MYO18A: variants seen among roughly 807,000 people sequenced by gnomAD.
The protein encoded by MYO18A is unconventional myosin-XVIIIa.
A neutral mutation model predicts 235.8 loss-of-function variants in MYO18A; 78 were observed. The observed-to-expected ratio is 0.33, with a 90% CI of 0.28 to 0.40. MYO18A has a LOEUF of 0.40. Ranked by LOEUF, MYO18A falls within the 10% of genes least tolerant of loss-of-function variation. MYO18A has a pLI of 1.00. For missense variants in MYO18A, 2,215 were observed against 2,699.3 expected (o/e 0.82, Z 3.98); for synonymous variants, 977 against 1,077.8 (o/e 0.91, Z 1.83).
chr17:29,098,028 T>C, intron 25 of MYO18A, 77 bp downstream of exon 25: 1 of 1,587,920 alleles, frequency 6.3e-7, no homozygotes, highest in Non-Finnish European at 8.6e-7. Context: ...AGATGCCAAC[T>C]GTCTTTGGGG....
chr17:29,177,044 C>T (rs908374954), intron 1 of MYO18A, among the ~76,000 whole-genome samples: 1 of 152,220 alleles, frequency 6.6e-6, no homozygotes, highest in Admixed American at 6.5e-5. Context: ...CGCTCAGTTC[C>T]GCTAACATCC....
At position 29,072,835 on chromosome 17, in the gene MYO18A, G is replaced by T. The variant is rs767486793; in HGVS notation, c.*1935C>A. Reference sequence around the variant, plus strand: ...GGTAGAAGGTAGAAGAGGAGGAGGGGTGTCATTTGTTTCTTGCCTTTCTGC... The same window carrying T: ...GGTAGAAGGTAGAAGAGGAGGAGGGTTGTCATTTGTTTCTTGCCTTTCTGC... On this transcript the variant is annotated 3_prime_UTR_variant, in exon 42 of 42. Transcript: ENST00000527372. The T allele has an allele frequency of 1.3e-5, 2 of 152,212 alleles. No homozygotes were observed. The highest frequency in any genetic ancestry group is 2.9e-5 in the Non-Finnish European group (2 of 68,074). 9.4% of individuals were successfully genotyped at this position (152,212 alleles called of 1,614,324 possible). A position where few individuals can be genotyped will look rare whatever the true frequency, so the allele number is the denominator to read the frequency against.
intron 13 of MYO18A, 121 bp downstream of exon 13, chr17:29,115,230 G>T: frequency 1.4e-6 from 2 of 1,430,192 alleles, no homozygotes; most frequent in African/African-American, 1.4e-5. Flanking sequence ...CTTGCTCATA[G>T]CCCATGGGAC....
intron 28 of MYO18A, among the ~76,000 whole-genome samples, chr17:29,095,610 A>G (rs2066501324): frequency 1.3e-5 from 2 of 152,218 alleles, no homozygotes; most frequent in Non-Finnish European, 2.9e-5. Context: ...CACTGTGCCC[A>G]GCTGGCCACA....
chr17:29,120,952 C>T lies in MYO18A; in HGVS notation c.1585+46G>A. ...TAAGAGGGTGCTCTCTCCTCACTCC[C>T]CTCCCCTCACCCCACTTTCAGTTTT... On this transcript the variant is annotated intron_variant, in intron 6 of 41. Coordinates refer to ENST00000527372, the MANE Select transcript of MYO18A (RefSeq NM_078471.4). This position sits in a 1 kb window ranked among gnomAD's most constrained non-coding sequence, Gnocchi z 4.2. The T allele has an allele frequency of 6.3e-7, 1 of 1,580,226 alleles. No homozygotes were observed. Among genetic ancestry groups the T allele is most frequent in the Non-Finnish European group, 8.6e-7 (1 of 1,162,106 alleles).
chr17:29,080,472 C>T, intron 41 of MYO18A: 1 of 986,134 alleles, frequency 1.0e-6, no homozygotes, highest in Non-Finnish European at 1.2e-6. Context: ...AGCTCCGGCC[C>T]AGGGACAGGC....
At position 29,093,303 on chromosome 17, in the gene MYO18A, T is replaced by G. The variant is rs1598288475; in HGVS notation, c.4926+20A>C. On this transcript the variant is annotated intron_variant, in intron 32 of 41. Transcript: ENST00000527372. ...TGGGCAGGGAGCCGGCCAGGCTTGG[T>G]GGGTGGAGCATCCCCTGACCTGGTC... The G allele has an allele frequency of 6.3e-7, 1 of 1,599,898 alleles. No homozygotes were observed. The highest frequency in any genetic ancestry group is 8.5e-7 in the Non-Finnish European group (1 of 1,172,178).
chr17:29,077,959 G>C (rs1404218509), intron 41 of MYO18A: 2 of 152,100 alleles, frequency 1.3e-5, no homozygotes, highest in Admixed American at 6.5e-5. Context: ...GGGGTGTGGG[G>C]CACTTAGCAG....
rs113229456 is a variant in MYO18A at position 29,165,842 on chromosome 17, GCT to G, written c.999+98_999+99del. 3,750 of 1,148,524 alleles carry G rather than the reference GCT, an allele frequency of 3.3e-3. 98 individuals are homozygous for G. The African/African-American group carries it at 0.051, about 16-fold the overall frequency. The allele number at this position is 1,148,524 out of a possible 1,614,324, so 71.1% of individuals were successfully genotyped here. A position where few individuals can be genotyped will look rare whatever the true frequency, so the allele number is the denominator to read the frequency against. On this transcript the variant is annotated intron_variant, in intron 2 of 41. Transcript: ENST00000527372. ...GGCTTCCCCACTTACACACTGCTAGGCTCTGATAACAGCTCTTGGGTACCCCG... is the reference window on the plus strand; with the variant it reads ...GGCTTCCCCACTTACACACTGCTAGGCTGATAACAGCTCTTGGGTACCCCG...
At chr17:29,116,773 G>A (rs11871403) in intron 10 of MYO18A, among the ~76,000 whole-genome samples, 2,110 of 117,162 alleles carry the variant, frequency 0.018, 68 homozygotes, top group African/African-American at 0.067. Context: ...GCTCTGAGGC[G>A]CTAACAGACA....
At chr17:29,152,945 C>A (rs926507126) in intron 2 of MYO18A, among the ~76,000 whole-genome samples, 2 of 151,962 alleles carry the variant, frequency 1.3e-5, no homozygotes, top group Admixed American at 1.3e-4. Context: ...GAACTCCTAG[C>A]CTCAAGAGAT....
intron 7 of MYO18A, 96 bp from the exon 8 acceptor site, chr17:29,119,531 G>A: frequency 2.5e-6 from 2 of 784,362 alleles, no homozygotes; most frequent in Non-Finnish European, 4.0e-6. Context: ...GGTCCTCTAG[G>A]CCCTGGGGAA....
At chr17:29,097,730 G>C (rs530134215) in intron 26 of MYO18A, 58 bp downstream of exon 26, 1 of 1,454,676 alleles carries the variant, frequency 6.9e-7, no homozygotes, top group Non-Finnish European at 9.5e-7. Flanking sequence ...CTACCCAGGG[G>C]TGGGCATCAG....
Position 29,071,377 on chromosome 17 carries a change from C to G in MYO18A, c.*3393G>C, listed in dbSNP as rs1598246517. 2.0e-5 allele frequency: 3 copies of G among 152,276 alleles called. No homozygotes were observed. The East Asian group carries it at 5.8e-4, about 29-fold the overall frequency. The allele number at this position is 152,276 out of a possible 1,614,324, so 9.4% of individuals were successfully genotyped here. On this transcript the variant is annotated 3_prime_UTR_variant, in exon 42 of 42. Transcript: ENST00000527372. ...AACAGCAGAGCCTTCAAGGTACACC[C>G]AAAATAAAGATGGGCTTTGGTGGCC...
chr17:29,130,299 C>CAAA (rs564370108), intron 2 of MYO18A, among the ~76,000 whole-genome samples: 1,174 of 55,306 alleles, frequency 0.021, 51 homozygotes, highest in Non-Finnish European at 0.026. Context: ...AACCCTGTCT[C>CAAA]AAAAAAAAAA....
At chr17:29,082,238 C>A in intron 41 of MYO18A, 78 bp downstream of exon 41, 3 of 1,588,132 alleles carry the variant, frequency 1.9e-6, no homozygotes, top group Non-Finnish European at 2.6e-6. Context: ...GGCCTGCCCT[C>A]ATGGGATCCA....
At chr17:29,115,961 G>A (rs2067049440) in intron 11 of MYO18A, 121 bp from the exon 12 acceptor site, 6 of 1,118,768 alleles carry the variant, frequency 5.4e-6, no homozygotes, top group South Asian at 4.6e-5. Context: ...GATGACACCC[G>A]ATGGGCTTCA....
chr17:29,167,096 A>G, intron 1 of MYO18A, 75 bp from the exon 2 acceptor site: 3 of 1,014,672 alleles, frequency 3.0e-6, no homozygotes, highest in Non-Finnish European at 4.2e-6. Context: ...ACATAACCAA[A>G]TGATACAGCT....
chr17:29,148,008 T>C (rs1006745343), intron 2 of MYO18A, among the ~76,000 whole-genome samples: 2 of 149,270 alleles, frequency 1.3e-5, no homozygotes, highest in Non-Finnish European at 3.0e-5. Context: ...AGAGAAAAAA[T>C]AAGCTGGACT....
Sources: gnomAD v4.1 joint callset for allele counts (sites outside exome capture counted in the v4.1 genomes callset) on GRCh38, gnomAD v4.1.1 for gene constraint, Gnocchi (gnomAD v3.1) non-coding constraint, MANE v1.5 for transcripts, NCBI Gene and HGNC (gene_info 2026-07-23, HGNC 2026-07-21) for gene names.